Variants in SLC17A1 observed in about 807,000 individuals in gnomAD.
SLC17A1 encodes sodium-dependent phosphate transport protein 1.
In SLC17A1, 51 loss-of-function variants were observed where a neutral mutation model predicts 53.5. The ratio of observed to expected loss-of-function variants is 0.95; its 90% confidence interval spans 0.76 to 1.20. SLC17A1 has a LOEUF of 1.20. Among genes scored for constraint, SLC17A1 ranks in the 50% most tolerant of loss-of-function variants. The pLI, the probability that SLC17A1 is intolerant of heterozygous loss-of-function variation, is 0.00. For synonymous variants in SLC17A1, 179 were observed against 198.8 expected, an observed-to-expected ratio of 0.90 and a Z score of 0.84; for missense variants, 538 against 568.2, an observed-to-expected ratio of 0.95 and a Z score of 0.54.
intron 12 of SLC17A1, among the ~76,000 whole-genome samples, chr6:25,797,305 C>G: frequency 6.6e-6 from 1 of 152,096 alleles, no homozygotes; most frequent in African/African-American, 2.4e-5. Context: ...AAATAAAACA[C>G]AGAGACACAG....
the SLC17A1 span, chr6:25,726,298 GT>G: frequency 6.2e-7 from 1 of 1,614,102 alleles, no homozygotes; most frequent in Non-Finnish European, 8.5e-7. Context: ...AATAATGCGA[GT>G]TTTTTTGTTA....
the SLC17A1 span, among the ~76,000 whole-genome samples, chr6:25,749,946 C>T: frequency 6.6e-6 from 1 of 152,194 alleles, no homozygotes; most frequent in African/African-American, 2.4e-5. Flanking sequence ...ATCACAGCTG[C>T]TGCTGGCCTG....
intron 10 of SLC17A1, among the ~76,000 whole-genome samples, chr6:25,808,139 GT>G (rs1198440909): frequency 1.3e-5 from 2 of 151,866 alleles, no homozygotes; most frequent in African/African-American, 4.8e-5. Flanking sequence ...TTATTATTTT[GT>G]TTTTTAATTA....
At chr6:25,758,486 G>T in the SLC17A1 span, among the ~76,000 whole-genome samples, 3 of 152,130 alleles carry the variant, frequency 2.0e-5, no homozygotes, top group African/African-American at 7.2e-5. Context: ...CCTTTGCAGA[G>T]AGAGTTTCTA....
intron 11 of SLC17A1, among the ~76,000 whole-genome samples, chr6:25,800,607 G>T (rs1264339971): frequency 6.6e-6 from 1 of 151,952 alleles, no homozygotes; most frequent in Non-Finnish European, 1.5e-5. Flanking sequence ...TACCTGTGTT[G>T]ATCAATCCAC....
chr6:25,737,745 A>C, the SLC17A1 span, among the ~76,000 whole-genome samples: 2 of 152,188 alleles, frequency 1.3e-5, no homozygotes, highest in African/African-American at 4.8e-5. Flanking sequence ...CCCCCTTTCA[A>C]AATATAATAA....
At chr6:25,776,954 T>A in the SLC17A1 span, 11 of 1,610,774 alleles carry the variant, frequency 6.8e-6, no homozygotes, top group Non-Finnish European at 9.3e-6. Flanking sequence ...TGGATATTGC[T>A]CCTCGGTAGG....
chr6:25,756,898 A>G, the SLC17A1 span, among the ~76,000 whole-genome samples: 4 of 152,198 alleles, frequency 2.6e-5, no homozygotes, highest in African/African-American at 9.6e-5. Flanking sequence ...CCTGAAAGCT[A>G]TGTCTTTAGT....
intron 12 of SLC17A1, among the ~76,000 whole-genome samples, chr6:25,788,904 A>G (rs1937129): frequency 0.33 from 49,874 of 152,060 alleles, 8,813 homozygotes; most frequent in East Asian, 0.69. Context: ...AGAAAACTTG[A>G]AGAAACTTTG....
At chr6:25,827,761 C>G (rs1300552780) in intron 2 of SLC17A1, among the ~76,000 whole-genome samples, 1 of 152,114 alleles carries the variant, frequency 6.6e-6, no homozygotes, top group East Asian at 1.9e-4. Context: ...TTAATGTTTG[C>G]TTAAATAACT....
the SLC17A1 span, among the ~76,000 whole-genome samples, chr6:25,767,257 T>C: frequency 6.6e-6 from 1 of 152,162 alleles, no homozygotes; most frequent in Non-Finnish European, 1.5e-5. Context: ...CTATATATAC[T>C]AAATAAAATT....
At chr6:25,775,528 C>T in the SLC17A1 span, among the ~76,000 whole-genome samples, 1 of 151,998 alleles carries the variant, frequency 6.6e-6, no homozygotes, top group East Asian at 1.9e-4. Context: ...TTCGACCTCC[C>T]AGGCTCAAGC....
the SLC17A1 span, among the ~76,000 whole-genome samples, chr6:25,729,975 A>G: frequency 6.6e-6 from 1 of 152,218 alleles, no homozygotes; most frequent in African/African-American, 2.4e-5. Context: ...TAATACTATT[A>G]ATAAAACAAT....
the SLC17A1 span, among the ~76,000 whole-genome samples, chr6:25,773,910 T>C: frequency 2.0e-5 from 3 of 152,306 alleles, no homozygotes; most frequent in Non-Finnish European, 4.4e-5. Context: ...TACACTATCA[T>C]ATTTTATTAT....
the SLC17A1 span, chr6:25,732,096 T>A: frequency 1.1e-6 from 1 of 929,906 alleles, no homozygotes; most frequent in Admixed American, 2.8e-5. Flanking sequence ...CTCCTTCGAG[T>A]TTTAGCAACT....
At chr6:25,727,002 A>C in the SLC17A1 span, 4 of 1,614,118 alleles carry the variant, frequency 2.5e-6, no homozygotes, top group Admixed American at 1.7e-5. Flanking sequence ...CAAAAAGCGC[A>C]AGAGGACCCG....
chr6:25,816,196 C>G (rs1764349971), intron 6 of SLC17A1, among the ~76,000 whole-genome samples: 2 of 152,176 alleles, frequency 1.3e-5, no homozygotes, highest in Non-Finnish European at 2.9e-5. Flanking sequence ...GAACACAAAT[C>G]TCTGGCGACT....
At chr6:25,776,882 C>T in the SLC17A1 span, 11 of 1,613,828 alleles carry the variant, frequency 6.8e-6, no homozygotes, top group Admixed American at 5.0e-5. Flanking sequence ...TGACCATGAC[C>T]TTCTTGGTGC....
At chr6:25,726,810 C>CA in the SLC17A1 span, 2 of 1,392,514 alleles carry the variant, frequency 1.4e-6, no homozygotes, top group South Asian at 2.8e-5. Flanking sequence ...GAGCTGAGGT[C>CA]ATTTGGAGCT....
Sources: gnomAD v4.1 joint callset for allele counts (sites outside exome capture counted in the v4.1 genomes callset) on GRCh38, gnomAD v4.1.1 for gene constraint, MANE v1.5 for transcripts, NCBI Gene and HGNC (gene_info 2026-07-23, HGNC 2026-07-21) for gene names.